The following CASP10 variants were observed in gnomAD, a reference collection of about 807,000 sequenced individuals.
CASP10 encodes caspase 10, also known as caspase-10.
In CASP10, 41 loss-of-function variants were observed where a neutral mutation model predicts 48.5. That is an observed-to-expected ratio of 0.85 (90% CI 0.66 to 1.10). The LOEUF (loss-of-function observed/expected upper bound fraction) is 1.10, where lower values mean the gene tolerates loss of function less well. Among genes scored for constraint, CASP10 ranks in the 50% least tolerant of loss-of-function variants. CASP10 has a pLI of 0.00. For missense variants in CASP10, 614 were observed against 614.5 expected, an observed-to-expected ratio of 1.00 and a Z score of 0.01; for synonymous variants, 232 against 238.4, an observed-to-expected ratio of 0.97 and a Z score of 0.25.
rs1945670255 is a variant in CASP10 at position 201,219,581 on chromosome 2, T to C, written c.*1840T>C. On this transcript the variant is annotated 3_prime_UTR_variant, in exon 10 of 10. Transcript: ENST00000286186. ...GAGAGGCTGTGTCAGAAACTGAAGC[T>C]GTTCTCAGGATCACTGGGCTCTTCT... 1.0e-6 allele frequency: 1 copy of C among 985,506 alleles called. No individual in the cohort carries two copies. Among genetic ancestry groups the C allele is most frequent in the Non-Finnish European group, 1.2e-6 (1 of 830,000 alleles). 61.0% of individuals were successfully genotyped at this position (985,506 alleles called of 1,614,324 possible). A position where few individuals can be genotyped will look rare whatever the true frequency, so the allele number is the denominator to read the frequency against.
chr2:201,196,167 G>A (rs1483357685), intron 5 of CASP10, among the ~76,000 whole-genome samples: 1 of 152,206 alleles, frequency 6.6e-6, no homozygotes, highest in East Asian at 1.9e-4. Flanking sequence ...TGACTAGTGA[G>A]AGCTAGTTAG....
intron 5 of CASP10, among the ~76,000 whole-genome samples, chr2:201,201,180 G>C (rs1249713212): frequency 6.6e-6 from 1 of 151,994 alleles, no homozygotes; most frequent in African/African-American, 2.4e-5. Flanking sequence ...TTCCCTAGTA[G>C]CTGGGATTAC....
At position 201,221,259 on chromosome 2, in the gene CASP10, T is replaced by C; in HGVS notation, c.*3518T>C. ...GTCTACCGCAGCAGAAGGCCAGCTC[T>C]TGACTCTGAGTTCAGTTGGACAAAA... On this transcript the variant is annotated 3_prime_UTR_variant, in exon 10 of 10. Coordinates refer to ENST00000286186, the MANE Select transcript of CASP10 (RefSeq NM_032977.4). 1 of 985,866 alleles carries C rather than the reference T, an allele frequency of 1.0e-6. No individual in the cohort carries two copies. The highest frequency in any genetic ancestry group is 1.2e-6 in the Non-Finnish European group (1 of 830,222). The allele number at this position is 985,866 out of a possible 1,614,324, so 61.1% of individuals were successfully genotyped here.
In CASP10 at chr2:201,198,927, A is replaced by G. The variant is rs41448146; in HGVS notation, c.684+2979A>G. Among the ~76,000 whole-genome samples, 263 of 152,324 alleles carry G rather than the reference A, an allele frequency of 1.7e-3. 2 individuals carry two copies. The highest frequency in any genetic ancestry group is 5.9e-3 in the African/African-American group (246 of 41,566). On this transcript the variant is annotated intron_variant, in intron 5 of 9. Transcript: ENST00000286186. ...ACAGTTACAATTTTTAGATTTAAAA[A>G]TAATTTCAATTTTATAGAAAAGTTG...
Position 201,218,933 on chromosome 2 carries a change from C to T in CASP10, c.*1192C>T. ...CTGTAGGAAGATGATGGCTCATTTACACTCAGCTGCTCTGCAAGCAGAAAC... is the reference window on the plus strand; with the variant it reads ...CTGTAGGAAGATGATGGCTCATTTATACTCAGCTGCTCTGCAAGCAGAAAC... On this transcript the variant is annotated 3_prime_UTR_variant, in exon 10 of 10. Coordinates refer to ENST00000286186, the MANE Select transcript of CASP10 (RefSeq NM_032977.4). 3.0e-6 allele frequency: 3 copies of T among 985,440 alleles called. No homozygotes were observed. Among genetic ancestry groups the T allele is most frequent in the South Asian group, 4.7e-5 (1 of 21,288 alleles). 61.0% of individuals were successfully genotyped at this position (985,440 alleles called of 1,614,324 possible). A position where few individuals can be genotyped will look rare whatever the true frequency, so the allele number is the denominator to read the frequency against.
downstream of CASP10, among the ~76,000 whole-genome samples, chr2:201,224,030 G>C (rs1559318507): frequency 6.7e-6 from 1 of 149,946 alleles, no homozygotes. Flanking sequence ...GGAGTGCAGT[G>C]GCTCGATCTT....
intron 8 of CASP10, chr2:201,208,493 G>T (rs1945283774): frequency 2.6e-6 from 1 of 385,532 alleles, no homozygotes; most frequent in South Asian, 1.1e-4. Flanking sequence ...AGAGTCAAGA[G>T]ACCTTGGCTT....
Position 201,209,564 on chromosome 2 carries a change from T to C in CASP10, c.1415+2T>C, listed in dbSNP as rs574742344. 5.6e-6 allele frequency: 9 copies of C among 1,600,168 alleles called. No individual in the cohort carries two copies. The East Asian group carries it at 2.0e-4, about 36-fold the overall frequency. ...TCATCTGAAGAAATTGGTCCCAAGG[T>C]GAGAGCTCTTTTTTTTCTTCCATTT... On this transcript the variant is annotated splice_donor_variant, in intron 9 of 9. Coordinates refer to ENST00000286186, the MANE Select transcript of CASP10 (RefSeq NM_032977.4). LOFTEE classifies it high-confidence loss of function.
At chr2:201,193,300 C>A in intron 4 of CASP10, 181 bp downstream of exon 4, 1 of 518,950 alleles carries the variant, frequency 1.9e-6, no homozygotes. Flanking sequence ...CTCCGCCTCC[C>A]GGGTTCAAGT....
At chr2:201,199,569 C>CTTTTTT (rs761866954) in intron 5 of CASP10, among the ~76,000 whole-genome samples, 5 of 122,538 alleles carry the variant, frequency 4.1e-5, no homozygotes, top group Non-Finnish European at 6.8e-5. Context: ...CTCCTTTAAT[C>CTTTTTT]TTTTTTTTTT....
chr2:201,221,788 G>T (rs910028361), downstream of CASP10: 1 of 152,198 alleles, frequency 6.6e-6, no homozygotes, highest in Admixed American at 6.5e-5. Context: ...CTAGAACTTA[G>T]TGCTTGTGCA....
intron 9 of CASP10, 150 bp from the exon 10 acceptor site, chr2:201,217,438 A>T (rs1164461316): frequency 1.7e-6 from 1 of 603,792 alleles, no homozygotes; most frequent in Non-Finnish European, 3.1e-6. Context: ...AGGCACCTGT[A>T]ATCCCAGCTA....
At chr2:201,208,767 C>T (rs1945290785) in intron 8 of CASP10, among the ~76,000 whole-genome samples, 1 of 152,108 alleles carries the variant, frequency 6.6e-6, no homozygotes, top group Non-Finnish European at 1.5e-5. Context: ...CAACCTCTGC[C>T]TCCCAGGCTC....
chr2:201,223,608 G>A (rs562913112), downstream of CASP10, among the ~76,000 whole-genome samples: 34 of 152,078 alleles, frequency 2.2e-4, no homozygotes, highest in Admixed American at 3.3e-4. Context: ...TCTAAACTCC[G>A]GAGCCATACC....
chr2:201,209,432 A>C lies in CASP10; in HGVS notation c.1285A>C (p.Ser429Arg). ...GCAGGCACCCACTTCCCTGCAGGAC[A>C]GTATTCCTGCCGAGGCTGACTTCCT... is the stretch of plus-strand genomic sequence containing the variant. ...PEQAPTSLQD[S>R]IPAEADFLLG... is the part of the protein sequence containing the mutation. The change falls in exon 9 of 10, where the codon AGT becomes CGT. Residue 429 changes from serine (S) to arginine (R), a missense_variant. Coordinates refer to ENST00000286186, the MANE Select transcript of CASP10 (RefSeq NM_032977.4). The C allele has an allele frequency of 6.2e-7, 1 of 1,614,104 alleles. No individual in the cohort carries two copies. Among genetic ancestry groups the C allele is most frequent in the Non-Finnish European group, 8.5e-7 (1 of 1,179,978 alleles).
intron 1 of CASP10, among the ~76,000 whole-genome samples, chr2:201,185,110 G>A (rs951372049): frequency 2.6e-5 from 4 of 151,812 alleles, no homozygotes; most frequent in Non-Finnish European, 5.9e-5. Flanking sequence ...TTCCATCCTC[G>A]GCCTCCTGAG....
At chr2:201,190,389 T>C (rs1944567081) in intron 3 of CASP10, among the ~76,000 whole-genome samples, 1 of 152,158 alleles carries the variant, frequency 6.6e-6, no homozygotes, top group Non-Finnish European at 1.5e-5. Context: ...AGGGAATTCT[T>C]TTTTATAAAA....
chr2:201,228,672 T>C lies in CASP10; in HGVS notation c.1416-261T>C, dbSNP rs12693932. 0.54 allele frequency among the ~76,000 whole-genome samples: 82,229 copies of C among 152,044 alleles called. 23,149 individuals carry two copies. Among genetic ancestry groups the C allele is most frequent in the African/African-American group, 0.68 (28,184 of 41,452 alleles). On this transcript the variant is annotated intron_variant, in intron 9 of 9. Coordinates refer to the CASP10 transcript ENST00000272879. ...AGCCATGGCCTCTCCACTTGAGTTA[T>C]CATCTTGAAACATCAAGGACAAGCC...
At position 201,209,391 on chromosome 2, in the gene CASP10, A is replaced by G. The variant is rs753913376; in HGVS notation, c.1244A>G (p.Asp415Gly). The part of the protein sequence containing the change: ...EIQPSVSIEA[D>G]ALNPEQAPTS... ...CAGCCTTCCGTATCCATCGAAGCAG[A>G]TGCTCTGAACCCTGAGCAGGCACCC... Residue 415 changes from aspartate to glycine, a missense_variant, in exon 9 of 10, where the codon GAT (aspartate) becomes GGT (glycine). By Grantham distance (94) the Asp-to-Gly change is moderately conservative. Coordinates refer to ENST00000286186, the MANE Select transcript of CASP10 (RefSeq NM_032977.4). The G allele has an allele frequency of 6.2e-7, 1 of 1,614,124 alleles. No homozygotes were observed. The highest frequency in any genetic ancestry group is 8.5e-7 in the Non-Finnish European group (1 of 1,180,028).
Sources: allele counts gnomAD v4.1 joint callset (sites outside exome capture counted in the v4.1 genomes callset), GRCh38; gene constraint gnomAD v4.1.1; transcripts MANE v1.5; gene names NCBI Gene and HGNC (gene_info 2026-07-23, HGNC 2026-07-21).